PXDN: variants seen among roughly 807,000 people sequenced by gnomAD.
PXDN encodes peroxidasin homolog.
PXDN carries 77 observed loss-of-function variants against 140.3 expected under a neutral mutation model. The observed-to-expected ratio is 0.55, with a 90% confidence interval of 0.46 to 0.66. PXDN has a LOEUF of 0.66. PXDN is among the 30% of genes least tolerant of loss of function. The pLI is 0.00. For missense variants in PXDN, 1,838 were observed against 2,039.5 expected (o/e 0.90, Z 1.90); for synonymous variants, 911 against 857.4 (o/e 1.06, Z -1.09).
chr2:1,643,228 G>T, intron 19 of PXDN, 140 bp downstream of exon 19: 2 of 932,740 alleles, frequency 2.1e-6, no homozygotes, highest in Non-Finnish European at 3.2e-6. Context: ...CATGGATACA[G>T]CACGATTTAA....
intron 9 of PXDN, among the ~76,000 whole-genome samples, chr2:1,668,655 C>G (rs1683504902): frequency 6.6e-6 from 1 of 150,506 alleles, no homozygotes; most frequent in African/African-American, 2.4e-5. Context: ...TGAACAGACA[C>G]TTCTCAAAAG....
At chr2:1,678,837 G>A (rs532031605) in intron 7 of PXDN, among the ~76,000 whole-genome samples, 43 of 152,290 alleles carry the variant, frequency 2.8e-4, no homozygotes, top group South Asian at 1.0e-3. Flanking sequence ...TCCGGGGTGG[G>A]GAAGCAGCGC....
At chr2:1,729,756 T>C (rs1394888121) in intron 1 of PXDN, among the ~76,000 whole-genome samples, 1 of 152,138 alleles carries the variant, frequency 6.6e-6, no homozygotes. Flanking sequence ...GTAAAAACAA[T>C]CTAGACAGAC....
intron 1 of PXDN, among the ~76,000 whole-genome samples, chr2:1,734,667 G>A (rs72765510): frequency 0.24 from 36,650 of 152,104 alleles, 5,285 homozygotes; most frequent in Admixed American, 0.38. Context: ...AAGAGACTGA[G>A]ACTGTTCTGG....
At chr2:1,655,579 A>G (rs1358723405) in intron 14 of PXDN, among the ~76,000 whole-genome samples, 7 of 151,596 alleles carry the variant, frequency 4.6e-5, no homozygotes, top group African/African-American at 1.7e-4. Flanking sequence ...CTCCTGACAG[A>G]AACCTGTCCC....
In PXDN at chr2:1,733,513, G is replaced by A. The variant is rs146076083; in HGVS notation, c.200+10743C>T. 2.6e-3 allele frequency among the ~76,000 whole-genome samples: 400 copies of A among 152,190 alleles called. 2 individuals carry two copies. The highest frequency in any genetic ancestry group is 2.1e-3 in the Non-Finnish European group (144 of 68,000). On this transcript the variant is annotated intron_variant, in intron 1 of 22. Coordinates refer to ENST00000252804, the MANE Select transcript of PXDN (RefSeq NM_012293.3). ...TCCCAGCACTTTGGGAGGCCGAGGC[G>A]GGTGAATCACCTGTAGTCAGGAGTT...
chr2:1,692,563 A>C (rs1295583457), intron 2 of PXDN: 1 of 471,864 alleles, frequency 2.1e-6, no homozygotes, highest in Admixed American at 2.3e-5. Context: ...GAAGGGAACC[A>C]GCTTCCACTG....
At chr2:1,663,469 T>C (rs1034724079) in intron 12 of PXDN, 136 bp downstream of exon 12, 4 of 1,223,200 alleles carry the variant, frequency 3.3e-6, no homozygotes, top group Middle Eastern at 2.1e-4. Context: ...ACAAGCACAA[T>C]GACGGTGCAC....
intron 1 of PXDN, among the ~76,000 whole-genome samples, chr2:1,715,438 G>A (rs1684872157): frequency 6.6e-6 from 1 of 152,218 alleles, no homozygotes; most frequent in Admixed American, 6.5e-5. Flanking sequence ...AATCCCAGAT[G>A]AAGAGAAGGG....
intron 7 of PXDN, among the ~76,000 whole-genome samples, chr2:1,679,094 GT>G (rs1372108799): frequency 6.9e-6 from 1 of 145,154 alleles, no homozygotes. Flanking sequence ...ATGCATGTGT[GT>G]GTGTGTGTGT....
Position 1,648,097 on chromosome 2 carries a change from TA to T in PXDN, c.3608+74del. On this transcript the variant is annotated intron_variant, in intron 17 of 22. Coordinates refer to ENST00000252804, the MANE Select transcript of PXDN (RefSeq NM_012293.3). The surrounding 1 kb of genome is among the most constrained non-coding windows in gnomAD (Gnocchi z 8.9). ...AACAAAACTCACACACAGAGACAAA[TA>T]ACACACACACCACAGTTCAGGTGTT... The T allele has an allele frequency of 6.6e-7, 1 of 1,523,744 alleles. No homozygotes were observed. The highest frequency in any genetic ancestry group is 2.3e-5 in the East Asian group (1 of 44,148). The allele number at this position is 1,523,744 out of a possible 1,614,324, so 94.4% of individuals were successfully genotyped here.
chr2:1,680,117 A>AGATGGTGTGTGCGTG, intron 7 of PXDN, 76 bp downstream of exon 7: 1 of 1,385,442 alleles, frequency 7.2e-7, no homozygotes, highest in Non-Finnish European at 9.8e-7. Flanking sequence ...TTGTGTGTGT[A>AGATGGTGTGTGCGTG]GATGGTGTGT....
intron 1 of PXDN, among the ~76,000 whole-genome samples, chr2:1,699,267 G>A (rs1304301590): frequency 6.6e-6 from 1 of 152,182 alleles, no homozygotes; most frequent in African/African-American, 2.4e-5. Context: ...TCATGCCAAA[G>A]TTATGAATTC....
chr2:1,681,303 A>G (rs967880174), intron 6 of PXDN, among the ~76,000 whole-genome samples: 1 of 149,956 alleles, frequency 6.7e-6, no homozygotes, highest in African/African-American at 2.4e-5. Context: ...GAGGGTCTCT[A>G]TTTCCCTTTT....
At chr2:1,715,650 C>G (rs1302024285) in intron 1 of PXDN, among the ~76,000 whole-genome samples, 1 of 152,162 alleles carries the variant, frequency 6.6e-6, no homozygotes, top group Non-Finnish European at 1.5e-5. Flanking sequence ...GGTCTCCAGC[C>G]CTGGCTTGCA....
chr2:1,742,386 C>T (rs1685566081), intron 1 of PXDN, among the ~76,000 whole-genome samples: 2 of 152,154 alleles, frequency 1.3e-5, no homozygotes, highest in Admixed American at 6.5e-5. Context: ...GAAATGGATG[C>T]AAATGTACCC....
Position 1,744,473 on chromosome 2 carries a change from G to GACGCTCGGACGC in PXDN, c.-30_-19dup. 7.0e-7 allele frequency: 1 copy of GACGCTCGGACGC among 1,431,318 alleles called. No homozygotes were observed. Among genetic ancestry groups the GACGCTCGGACGC allele is most frequent in the Non-Finnish European group, 9.1e-7 (1 of 1,101,172 alleles). The allele number at this position is 1,431,318 out of a possible 1,614,324, so 88.7% of individuals were successfully genotyped here. On this transcript the variant is annotated 5_prime_UTR_variant, in exon 1 of 23. Transcript: ENST00000252804. ...TTGGCCATGGCCGACGGCGCGGACG[G>GACGCTCGGACGC]ACGCTCGGACGCACGGAGCCACCAC...
chr2:1,744,641 G>GC (rs1252568099), upstream of PXDN: 1 of 497,794 alleles, frequency 2.0e-6, no homozygotes, highest in African/African-American at 2.0e-5. Context: ...AGAACCCGGG[G>GC]CCCCAGCGTC....
At chr2:1,709,308 G>C (rs1483695324) in intron 1 of PXDN, among the ~76,000 whole-genome samples, 1 of 152,220 alleles carries the variant, frequency 6.6e-6, no homozygotes, top group Non-Finnish European at 1.5e-5. Context: ...CCCGGGAGTA[G>C]CTATGGCTGC....
Sources: allele counts gnomAD v4.1 joint callset (sites outside exome capture counted in the v4.1 genomes callset), GRCh38; gene constraint gnomAD v4.1.1; non-coding constraint Gnocchi (gnomAD v3.1); transcripts MANE v1.5; gene names NCBI Gene and HGNC (gene_info 2026-07-23, HGNC 2026-07-21).